The following LYPLAL1 variants were observed in gnomAD, a reference collection of about 807,000 sequenced individuals.
LYPLAL1 encodes lysophospholipase-like protein 1.
LYPLAL1 carries 23 observed loss-of-function variants against 19.7 expected under a neutral mutation model. That is an observed-to-expected ratio of 1.17 (90% confidence interval 0.84 to 1.65). The LOEUF is 1.65. Ranked by LOEUF, LYPLAL1 falls within the 40% of genes most tolerant of loss-of-function variation. LYPLAL1 has a pLI of 0.00. For synonymous variants in LYPLAL1, 119 were observed against 96.3 expected (o/e 1.24, Z -1.38); for missense variants, 355 against 279.4 (o/e 1.27, Z -1.93).
At chr1:219,245,200 CCTTCCTTCCTTCCT>C in the LYPLAL1 span, among the ~76,000 whole-genome samples, 1 of 140,480 alleles carries the variant, frequency 7.1e-6, no homozygotes, top group Non-Finnish European at 1.6e-5. Flanking sequence ...TTCCTTCCTT[CCTTCCTTCCTTCCT>C]TCCTTCCTTC....
the LYPLAL1 span, among the ~76,000 whole-genome samples, chr1:219,278,119 G>A: frequency 6.6e-6 from 1 of 152,154 alleles, no homozygotes; most frequent in Non-Finnish European, 1.5e-5. Flanking sequence ...TTTCACATAA[G>A]AAAATTGAGG....
chr1:219,419,245 C>T, the LYPLAL1 span, among the ~76,000 whole-genome samples: 1 of 152,164 alleles, frequency 6.6e-6, no homozygotes, highest in Non-Finnish European at 1.5e-5. Flanking sequence ...AAACCATCTT[C>T]CCACTGTTTA....
At chr1:219,367,087 C>G in the LYPLAL1 span, among the ~76,000 whole-genome samples, 2 of 152,026 alleles carry the variant, frequency 1.3e-5, no homozygotes, top group East Asian at 3.9e-4. Flanking sequence ...GCAGCATTTA[C>G]CCCGAGATAA....
At chr1:219,417,221 A>G in the LYPLAL1 span, among the ~76,000 whole-genome samples, 6 of 149,028 alleles carry the variant, frequency 4.0e-5, no homozygotes, top group African/African-American at 1.5e-4. Context: ...GGTATAGGAA[A>G]TTTTTCTATT....
the LYPLAL1 span, among the ~76,000 whole-genome samples, chr1:219,366,050 T>C: frequency 1.3e-5 from 2 of 152,176 alleles, no homozygotes; most frequent in East Asian, 3.8e-4. Context: ...TGAAAAGGCC[T>C]CATCCAGACA....
At chr1:219,277,166 G>A in the LYPLAL1 span, among the ~76,000 whole-genome samples, 2 of 152,120 alleles carry the variant, frequency 1.3e-5, no homozygotes, top group Non-Finnish European at 2.9e-5. Context: ...CAATCACAGC[G>A]TAGAATTTAC....
the LYPLAL1 span, among the ~76,000 whole-genome samples, chr1:219,394,898 C>T: frequency 6.6e-6 from 1 of 152,182 alleles, no homozygotes; most frequent in African/African-American, 2.4e-5. Flanking sequence ...CTTTCTGTTC[C>T]CGCATTAGTT....
chr1:219,217,753 C>G (rs1659345913), downstream of LYPLAL1, among the ~76,000 whole-genome samples: 1 of 152,088 alleles, frequency 6.6e-6, no homozygotes, highest in South Asian at 2.1e-4. Flanking sequence ...CTCAACCATT[C>G]TCTTCATGCC....
At chr1:219,312,598 A>G in the LYPLAL1 span, among the ~76,000 whole-genome samples, 3 of 152,182 alleles carry the variant, frequency 2.0e-5, no homozygotes, top group Non-Finnish European at 4.4e-5. Flanking sequence ...TCATCGGCAC[A>G]GCTTCAAGAG....
the LYPLAL1 span, among the ~76,000 whole-genome samples, chr1:219,422,450 C>A: frequency 1.3e-5 from 2 of 152,060 alleles, no homozygotes; most frequent in Non-Finnish European, 2.9e-5. Flanking sequence ...AAACAAATGC[C>A]ATGCACAGAG....
the LYPLAL1 span, among the ~76,000 whole-genome samples, chr1:219,309,031 G>A: frequency 1.2e-4 from 18 of 152,272 alleles, no homozygotes; most frequent in African/African-American, 3.4e-4. Flanking sequence ...CCACAGGGGC[G>A]GAATTGCCCA....
chr1:219,261,960 C>A, the LYPLAL1 span, among the ~76,000 whole-genome samples: 1 of 152,252 alleles, frequency 6.6e-6, no homozygotes, highest in Admixed American at 6.5e-5. Flanking sequence ...TTTTAGATTT[C>A]TCTTCTTTCT....
the LYPLAL1 span, among the ~76,000 whole-genome samples, chr1:219,375,420 C>T: frequency 6.9e-5 from 10 of 145,848 alleles, no homozygotes; most frequent in East Asian, 2.1e-4. Context: ...GAGCCAGGAT[C>T]GCAGCACTGC....
the LYPLAL1 span, among the ~76,000 whole-genome samples, chr1:219,337,716 T>C: frequency 6.6e-6 from 1 of 152,054 alleles, no homozygotes. Flanking sequence ...CACCTGTGTT[T>C]GTAAATGAAG....
the LYPLAL1 span, among the ~76,000 whole-genome samples, chr1:219,266,026 A>G: frequency 6.6e-6 from 1 of 152,166 alleles, no homozygotes; most frequent in African/African-American, 2.4e-5. Context: ...ACTGTACACT[A>G]CTGTAGACTT....
the LYPLAL1 span, among the ~76,000 whole-genome samples, chr1:219,355,093 G>A: frequency 2.6e-4 from 40 of 152,280 alleles, no homozygotes; most frequent in African/African-American, 7.7e-4. Flanking sequence ...ATAGAGCAGA[G>A]CTATCTAATA....
At chr1:219,223,756 G>A in the LYPLAL1 span, among the ~76,000 whole-genome samples, 234 of 152,206 alleles carry the variant, frequency 1.5e-3, no homozygotes, top group Non-Finnish European at 2.8e-3. Context: ...TTCTTAAGAA[G>A]CAATGAGAAA....
the LYPLAL1 span, among the ~76,000 whole-genome samples, chr1:219,260,730 AC>A: frequency 6.7e-6 from 1 of 150,256 alleles, no homozygotes; most frequent in Non-Finnish European, 1.5e-5. Context: ...ACACACATAT[AC>A]ATATATAAAA....
the LYPLAL1 span, among the ~76,000 whole-genome samples, chr1:219,443,781 G>A: frequency 6.6e-6 from 1 of 152,032 alleles, no homozygotes; most frequent in African/African-American, 2.4e-5. Context: ...ATACACTTAA[G>A]AAAGGTTAAC....
Sources: gnomAD v4.1 joint callset for allele counts (sites outside exome capture counted in the v4.1 genomes callset) on GRCh38, gnomAD v4.1.1 for gene constraint, MANE v1.5 for transcripts, NCBI Gene and HGNC (gene_info 2026-07-23, HGNC 2026-07-21) for gene names.